Variants in SPRTN observed in about 807,000 individuals in gnomAD.
SPRTN encodes DNA-dependent metalloprotease SPRTN.
In SPRTN, 11 loss-of-function variants were observed where a neutral mutation model predicts 31.9. The observed-to-expected ratio is 0.34, with a 90% CI of 0.22 to 0.57. SPRTN has a LOEUF of 0.57. Among genes scored for constraint, SPRTN ranks in the 20% least tolerant of loss-of-function variants. SPRTN has a pLI of 0.86. For missense variants in SPRTN, 482 were observed against 590.1 expected (o/e 0.82, Z 1.90); for synonymous variants, 185 against 212.1 (o/e 0.87, Z 1.11).
intron 2 of SPRTN, 175 bp downstream of exon 2, chr1:231,340,043 A>G: frequency 2.1e-6 from 1 of 469,322 alleles, no homozygotes; most frequent in Non-Finnish European, 3.7e-6. Flanking sequence ...ATAGTGCTTC[A>G]TAGTAAAAAA....
Position 231,339,758 on chromosome 1 carries a change from T to C in SPRTN, c.222-11T>C, listed in dbSNP as rs1345483075. ...CCAATGTAACACATTTTTATGGTGATTGTTTTCTAGGTGTGCTGGGATATG... is the reference window on the plus strand; with the variant it reads ...CCAATGTAACACATTTTTATGGTGACTGTTTTCTAGGTGTGCTGGGATATG... On this transcript the variant is annotated splice_polypyrimidine_tract_variant and intron_variant, in intron 1 of 4. Coordinates refer to ENST00000295050, the MANE Select transcript of SPRTN (RefSeq NM_032018.7). 1.2e-6 allele frequency: 2 copies of C among 1,613,870 alleles called. No individual in the cohort carries two copies. Among genetic ancestry groups the C allele is most frequent in the African/African-American group, 1.3e-5 (1 of 74,932 alleles).
intron 4 of SPRTN, chr1:231,352,002 T>A: frequency 1.0e-6 from 1 of 996,798 alleles, no homozygotes; most frequent in Non-Finnish European, 1.2e-6. Context: ...CCCCTTCCTA[T>A]CAGCTGGATT....
In SPRTN at chr1:231,345,147, C is replaced by CT. The variant is rs796423225; in HGVS notation, c.322-2640dup. Among the ~76,000 whole-genome samples, 187 of 144,878 alleles carry CT rather than the reference C, an allele frequency of 1.3e-3. 1 individual carries two copies. Among genetic ancestry groups the CT allele is most frequent in the African/African-American group, 2.8e-3 (110 of 39,678 alleles). ...TCTTTCTTTCTTTCTTTGTTTCTTT[C>CT]TTTTTTTTTTGTTGCCCAGGCTGGA... On this transcript the variant is annotated intron_variant, in intron 2 of 4. Coordinates refer to ENST00000295050, the MANE Select transcript of SPRTN (RefSeq NM_032018.7).
chr1:231,352,140 T>C (rs1032808400), intron 4 of SPRTN: 1 of 989,516 alleles, frequency 1.0e-6, no homozygotes, highest in Non-Finnish European at 1.2e-6. Flanking sequence ...TTACTGAAGA[T>C]GCTTCTTCCC....
intron 2 of SPRTN, among the ~76,000 whole-genome samples, chr1:231,341,934 C>T (rs1481311713): frequency 3.9e-5 from 6 of 151,974 alleles, no homozygotes; most frequent in African/African-American, 1.2e-4. Flanking sequence ...TACAGTGAGC[C>T]GAGATCACAC....
chr1:231,352,495 G>A (rs780691486), intron 4 of SPRTN, 115 bp from the exon 5 acceptor site: 2 of 1,473,452 alleles, frequency 1.4e-6, no homozygotes, highest in Admixed American at 5.3e-5. Context: ...GATGTAAGAT[G>A]GAATAAAATA....
intron 2 of SPRTN, among the ~76,000 whole-genome samples, chr1:231,345,733 C>T (rs1479854353): frequency 6.6e-6 from 1 of 152,152 alleles, no homozygotes; most frequent in East Asian, 1.9e-4. Flanking sequence ...TTTATTTTCC[C>T]TTAGCTTTAC....
rs145727605 is a variant in SPRTN, at chr1:231,351,344, G to A, written c.491G>A (p.Arg164Gln). ...TFHDEVDEYR[R>Q]HWWRCNGPCQ... The stretch of plus-strand genomic sequence containing the variant: ...CACGATGAGGTGGATGAGTATCGGC[G>A]ACACTGGTGGCGCTGCAATGGGCCG... Residue 164 changes from arginine to glutamine, a missense_variant, in exon 4 of 5, where the codon CGA (arginine) becomes CAA (glutamine). Transcript: ENST00000295050. The A allele has an allele frequency of 2.7e-5, 44 of 1,613,092 alleles. No individual in the cohort carries two copies. The highest frequency in any genetic ancestry group is 1.8e-4 in the Admixed American group (11 of 59,914).
At position 231,352,778 on chromosome 1, in the gene SPRTN, C is replaced by T. The variant is rs2437150; in HGVS notation, c.887C>T (p.Pro296Leu). The T allele has an allele frequency of 0.61, 992,039 of 1,613,562 alleles. 307,696 individuals carry two copies. The highest frequency in any genetic ancestry group is 0.66 in the Middle Eastern group (4,024 of 6,062). The change falls in exon 5 of 5, where the codon CCT becomes CTT. Residue 296 changes from proline (P) to leucine (L), a missense_variant. Physicochemically the swap from Pro to Leu is moderately conservative, Grantham distance 98. This residue lies in a region of SPRTN where 325 missense variants were observed against 350.2 expected (regional missense o/e 0.93). Coordinates refer to ENST00000295050, the MANE Select transcript of SPRTN (RefSeq NM_032018.7). ...AACCATTCAGCAAATGCTGTAAGAC[C>T]TAATTCTAAAATCAAGGTGAAATTT... ...NQNHSANAVR[P>L]NSKIKVKFEQ...
At chr1:231,340,679 A>T (rs917375474) in intron 2 of SPRTN, among the ~76,000 whole-genome samples, 4 of 152,038 alleles carry the variant, frequency 2.6e-5, no homozygotes, top group Non-Finnish European at 5.9e-5. Context: ...TTCTGCTAGC[A>T]GAATGGAGCA....
chr1:231,340,325 C>T (rs576377039), intron 2 of SPRTN, among the ~76,000 whole-genome samples: 2 of 152,142 alleles, frequency 1.3e-5, no homozygotes, highest in Non-Finnish European at 2.9e-5. Flanking sequence ...CGAGATCGCG[C>T]CACTGCACTC....
chr1:231,351,145 A>T (rs1687213295), intron 3 of SPRTN, among the ~76,000 whole-genome samples, 159 bp from the exon 4 acceptor site: 1 of 150,298 alleles, frequency 6.7e-6, no homozygotes, highest in Admixed American at 6.7e-5. Context: ...GAAACTAAAT[A>T]TAGTTGCTTT....
intron 2 of SPRTN, among the ~76,000 whole-genome samples, chr1:231,341,093 T>A (rs1477500173): frequency 1.3e-5 from 2 of 151,818 alleles, no homozygotes; most frequent in Non-Finnish European, 1.5e-5. Flanking sequence ...AGAGCTCAGA[T>A]GATAAAGAGA....
chr1:231,345,129 T>C (rs944565055), intron 2 of SPRTN, among the ~76,000 whole-genome samples: 2 of 152,066 alleles, frequency 1.3e-5, no homozygotes, highest in Non-Finnish European at 2.9e-5. Flanking sequence ...TTTTCTTTCT[T>C]TCTTTCTTTG....
chr1:231,347,708 A>G (rs546932307), intron 2 of SPRTN, 89 bp from the exon 3 acceptor site: 40 of 1,437,770 alleles, frequency 2.8e-5, no homozygotes, highest in Middle Eastern at 2.1e-4. Flanking sequence ...TGATACAGAA[A>G]AGGTTAGACA....
chr1:231,344,418 G>T (rs1455871430), intron 2 of SPRTN, among the ~76,000 whole-genome samples: 1 of 152,088 alleles, frequency 6.6e-6, no homozygotes, highest in Non-Finnish European at 1.5e-5. Context: ...GAGATAGAGG[G>T]ATCCCTTGAT....
intron 2 of SPRTN, chr1:231,340,111 C>T: frequency 3.1e-6 from 1 of 324,336 alleles, no homozygotes; most frequent in East Asian, 7.0e-5. Flanking sequence ...GCCTGTAATC[C>T]CGACACTTTG....
At chr1:231,341,611 A>G (rs1329705871) in intron 2 of SPRTN, among the ~76,000 whole-genome samples, 2 of 152,240 alleles carry the variant, frequency 1.3e-5, no homozygotes, top group African/African-American at 2.4e-5. Flanking sequence ...AAAATAATCT[A>G]TTAAGCAACA....
chr1:231,343,898 G>A (rs1686975154), intron 2 of SPRTN, among the ~76,000 whole-genome samples: 1 of 152,112 alleles, frequency 6.6e-6, no homozygotes, highest in African/African-American at 2.4e-5. Context: ...GAACAAAAGT[G>A]AGTTCAGACA....
Sources: gnomAD v4.1 joint callset for allele counts (sites outside exome capture counted in the v4.1 genomes callset) on GRCh38, gnomAD v4.1.1 for gene constraint, gnomAD v4.1.1 regional missense constraint, MANE v1.5 for transcripts, NCBI Gene and HGNC (gene_info 2026-07-23, HGNC 2026-07-21) for gene names.